Variants in PROS1 observed in about 807,000 individuals in gnomAD.
The protein encoded by PROS1 is vitamin K-dependent protein S.
A neutral mutation model predicts 75.9 loss-of-function variants in PROS1; 29 were observed. The observed-to-expected ratio is 0.38, with a 90% CI of 0.28 to 0.52. PROS1 has a LOEUF of 0.52. Ranked by LOEUF, PROS1 falls within the 20% of genes least tolerant of loss-of-function variation. The pLI, the probability that PROS1 is intolerant of heterozygous loss-of-function variation, is 0.83. For synonymous variants in PROS1, 245 were observed against 280.6 expected (o/e 0.87, Z 1.27); for missense variants, 680 against 810.3 (o/e 0.84, Z 1.95).
At position 93,883,534 on chromosome 3, in the gene PROS1, C is replaced by T. The variant is rs1708303270; in HGVS notation, c.1492+1194G>A. On this transcript the variant is annotated intron_variant, in intron 12 of 14. Coordinates refer to ENST00000394236, the MANE Select transcript of PROS1 (RefSeq NM_000313.4). ...ACTTGAACCTGCAAGGTGGAGGTTG[C>T]GGTGAGCCGAGATTGTGGCACTGAG... 2.6e-5 allele frequency among the ~76,000 whole-genome samples: 4 copies of T among 151,282 alleles called. No homozygotes were observed. In the South Asian group the frequency reaches 6.3e-4, roughly 24 times the overall value.
chr3:93,890,728 TA>T (rs1400707804), intron 10 of PROS1, among the ~76,000 whole-genome samples: 1 of 152,210 alleles, frequency 6.6e-6, no homozygotes, highest in Non-Finnish European at 1.5e-5. Flanking sequence ...AAGCACTCAC[TA>T]AAAGCTTACT....
intron 1 of PROS1, among the ~76,000 whole-genome samples, chr3:93,952,587 A>T (rs1709521321): frequency 6.6e-6 from 1 of 152,238 alleles, no homozygotes; most frequent in South Asian, 2.1e-4. Context: ...CAGTGTGTAG[A>T]GGGAAATTTA....
In PROS1 at chr3:93,898,015, C is replaced by T. The variant is rs146637347; in HGVS notation, c.849+433G>A. Among the ~76,000 whole-genome samples the T allele has an allele frequency of 5.8e-3, 887 of 152,074 alleles. 8 individuals are homozygous for T. The highest frequency in any genetic ancestry group is 7.6e-3 in the Admixed American group (116 of 15,278). On this transcript the variant is annotated intron_variant, in intron 8 of 14. Coordinates refer to ENST00000394236, the MANE Select transcript of PROS1 (RefSeq NM_000313.4). ...TGTACCCTCTGAAATTTTATGAGCA[C>T]TTTATAAACCCTATAACGCCTAAGG...
rs534239565 is a variant in PROS1 at position 93,944,625 on chromosome 3, A to G, written c.77-17218T>C. On this transcript the variant is annotated intron_variant, in intron 1 of 14. Coordinates refer to ENST00000394236, the MANE Select transcript of PROS1 (RefSeq NM_000313.4). The stretch of plus-strand genomic sequence containing the variant: ...AAACCAATGAGAACAAAGACACAAC[A>G]TACCAGAATCTCTGGGACACATTTA... Among the ~76,000 whole-genome samples the G allele has an allele frequency of 2.3e-3, 357 of 152,342 alleles. 1 individual carries two copies. Among genetic ancestry groups the G allele is most frequent in the African/African-American group, 8.0e-3 (332 of 41,574 alleles).
intron 9 of PROS1, among the ~76,000 whole-genome samples, chr3:93,894,151 C>G (rs1362400333): frequency 1.3e-5 from 2 of 152,076 alleles, no homozygotes; most frequent in African/African-American, 2.4e-5. Flanking sequence ...TTAGGCAGGA[C>G]AGAATCCCAC....
At chr3:93,971,355 CTAAATAAATAAA>C (rs62998164) in intron 1 of PROS1, among the ~76,000 whole-genome samples, 23,165 of 136,776 alleles carry the variant, frequency 0.17, 2,507 homozygotes, top group Non-Finnish European at 0.23. Flanking sequence ...GACTCCATCT[CTAAATAAATAAA>C]TAAATAAATA....
At chr3:93,929,158 A>G (rs1440293409) in intron 1 of PROS1, among the ~76,000 whole-genome samples, 3 of 152,230 alleles carry the variant, frequency 2.0e-5, no homozygotes, top group Admixed American at 2.0e-4. Context: ...AGATCAAAAA[A>G]TTAAAAATGA....
At chr3:93,926,816 A>G (rs1326618870) in intron 2 of PROS1, among the ~76,000 whole-genome samples, 1 of 152,226 alleles carries the variant, frequency 6.6e-6, no homozygotes, top group Non-Finnish European at 1.5e-5. Flanking sequence ...GCAAACCATG[A>G]GGTCAATACT....
chr3:93,883,141 T>A (rs1708296703), intron 12 of PROS1, among the ~76,000 whole-genome samples: 2 of 152,028 alleles, frequency 1.3e-5, no homozygotes, highest in African/African-American at 4.8e-5. Flanking sequence ...GACAACAACA[T>A]AGAATGCTTC....
At chr3:93,941,370 GT>G (rs777278816) in intron 1 of PROS1, among the ~76,000 whole-genome samples, 7 of 151,984 alleles carry the variant, frequency 4.6e-5, no homozygotes, top group Non-Finnish European at 7.4e-5. Flanking sequence ...GAAAACCCAC[GT>G]GCTCTCCCTG....
chr3:93,966,487 A>T (rs1437346095), intron 1 of PROS1, among the ~76,000 whole-genome samples: 4 of 152,212 alleles, frequency 2.6e-5, no homozygotes, highest in Admixed American at 2.6e-4. Flanking sequence ...AGGACCACAA[A>T]CTAAAAATTC....
At chr3:93,973,480 G>T in intron 1 of PROS1, 194 bp downstream of exon 1, 1 of 638,454 alleles carries the variant, frequency 1.6e-6, no homozygotes, top group Non-Finnish European at 2.9e-6. Flanking sequence ...TCGCAACTGT[G>T]CAAATAGTGA....
intron 10 of PROS1, among the ~76,000 whole-genome samples, chr3:93,889,699 A>T (rs1480726258): frequency 2.0e-5 from 3 of 152,058 alleles, no homozygotes; most frequent in Non-Finnish European, 2.9e-5. Flanking sequence ...ATGGACATTT[A>T]TTAGTTTTCA....
rs772628286 is a variant in PROS1 at position 93,927,366 on chromosome 3, G to A, written c.118C>T (p.Arg40Cys). Reference sequence around the variant, plus strand: ...TCTTCAAGTAAAGAATTTGCACGACGCTTCCTAACCAGGACTTGTGAAGCC... The same window carrying A: ...TCTTCAAGTAAAGAATTTGCACGACACTTCCTAACCAGGACTTGTGAAGCC... ...QQASQVLVRK[R>C]RANSLLEETK... The change falls in exon 2 of 15, where the codon CGT becomes TGT. Residue 40 changes from arginine to cysteine, a missense_variant. By Grantham distance (180) the Arg-to-Cys change is radical. Coordinates refer to ENST00000394236, the MANE Select transcript of PROS1 (RefSeq NM_000313.4). 5.6e-6 allele frequency: 9 copies of A among 1,613,942 alleles called. No homozygotes were observed. The highest frequency in any genetic ancestry group is 1.3e-5 in the African/African-American group (1 of 74,898).
chr3:93,938,218 AG>A lies in PROS1; in HGVS notation c.77-10812del, dbSNP rs1367473752. 7.2e-5 allele frequency among the ~76,000 whole-genome samples: 11 copies of A among 152,212 alleles called. 1 individual carries two copies. In the East Asian group the frequency reaches 1.9e-3, roughly 27 times the overall value. ...GTGAAATTCCTTCTCCTGGCTCAGC[AG>A]CTCCCCCATTGAGCACCTTGTAACC... On this transcript the variant is annotated intron_variant, in intron 1 of 14. Coordinates refer to ENST00000394236, the MANE Select transcript of PROS1 (RefSeq NM_000313.4).
chr3:93,948,442 A>C (rs1341870429), intron 1 of PROS1, among the ~76,000 whole-genome samples: 2 of 152,172 alleles, frequency 1.3e-5, no homozygotes, highest in African/African-American at 4.8e-5. Context: ...TGCAGAGCTC[A>C]GTTCAATTCC....
At chr3:93,965,776 C>G (rs1164635656) in intron 1 of PROS1, among the ~76,000 whole-genome samples, 3 of 152,158 alleles carry the variant, frequency 2.0e-5, no homozygotes, top group Non-Finnish European at 4.4e-5. Context: ...TTCACTGCAG[C>G]CTTCACCTCC....
intron 8 of PROS1, among the ~76,000 whole-genome samples, chr3:93,897,532 C>T (rs1293684073): frequency 6.6e-6 from 1 of 151,970 alleles, no homozygotes; most frequent in Non-Finnish European, 1.5e-5. Context: ...AATAGATGTT[C>T]ACACAGCATG....
chr3:93,900,887 G>T lies in PROS1; in HGVS notation c.644C>A (p.Ala215Asp). ...CSLKPSICGT[A>D]VCKNIPGDFE... is the part of the protein sequence containing the mutation. Reference sequence around the variant, plus strand: ...ATCTCCTGGGATGTTCTTGCACACAGCTGTGCCACAAATGCTTGGCTTCAA... The same window carrying T: ...ATCTCCTGGGATGTTCTTGCACACATCTGTGCCACAAATGCTTGGCTTCAA... The change falls in exon 7 of 15, where the codon GCT (alanine) becomes GAT (aspartate). Residue 215 changes from alanine to aspartate, a missense_variant. Physicochemically the swap from Ala to Asp is moderately radical, Grantham distance 126. Transcript: ENST00000394236. The T allele has an allele frequency of 6.2e-7, 1 of 1,613,852 alleles. No individual in the cohort carries two copies. The highest frequency in any genetic ancestry group is 8.5e-7 in the Non-Finnish European group (1 of 1,179,878).
Sources: gnomAD v4.1 joint callset for allele counts (sites outside exome capture counted in the v4.1 genomes callset) on GRCh38, gnomAD v4.1.1 for gene constraint, MANE v1.5 for transcripts, NCBI Gene and HGNC (gene_info 2026-07-23, HGNC 2026-07-21) for gene names.